Variants in PCYOX1 observed in about 807,000 individuals in gnomAD.
PCYOX1 encodes the protein prenylcysteine oxidase 1.
In PCYOX1, 46 loss-of-function variants were observed where a neutral mutation model predicts 46.4. That is an observed-to-expected ratio of 0.99 (90% confidence interval 0.78 to 1.27). The LOEUF is 1.27. PCYOX1 is among the 50% of genes most tolerant of loss of function. The pLI is 0.00. For missense variants in PCYOX1, 658 were observed against 628.3 expected (o/e 1.05, Z -0.51); for synonymous variants, 220 against 231.8 (o/e 0.95, Z 0.46).
At chr2:70,266,424 C>T (rs1696524220) in intron 3 of PCYOX1, among the ~76,000 whole-genome samples, 1 of 151,700 alleles carries the variant, frequency 6.6e-6, no homozygotes, top group African/African-American at 2.4e-5. Context: ...GAGAGACTGA[C>T]TTTGGTCTTC....
chr2:70,273,258 C>T (rs1021027846), intron 3 of PCYOX1, among the ~76,000 whole-genome samples: 8 of 152,108 alleles, frequency 5.3e-5, no homozygotes, highest in Non-Finnish European at 8.8e-5. Flanking sequence ...GATATCCAGG[C>T]TATTATTTTT....
At chr2:70,271,187 C>T (rs950494560) in intron 3 of PCYOX1, among the ~76,000 whole-genome samples, 3 of 151,626 alleles carry the variant, frequency 2.0e-5, no homozygotes, top group African/African-American at 7.3e-5. Context: ...CATGCCTCAG[C>T]TTCCTGAATA....
At chr2:70,271,475 ATT>A in intron 3 of PCYOX1, among the ~76,000 whole-genome samples, 1 of 152,174 alleles carries the variant, frequency 6.6e-6, no homozygotes, top group East Asian at 1.9e-4. Context: ...ATTTATAAAT[ATT>A]GTCATATTTA....
At chr2:70,257,982 G>T (rs1696366472), upstream of PCYOX1, 1 of 468,384 alleles carries the variant, frequency 2.1e-6, no homozygotes, top group East Asian at 3.9e-5. Context: ...GAGTGGCCCA[G>T]AGTGGGGAGC....
At chr2:70,258,758 C>T (rs1559032773) in intron 1 of PCYOX1, among the ~76,000 whole-genome samples, 1 of 152,234 alleles carries the variant, frequency 6.6e-6, no homozygotes, top group Non-Finnish European at 1.5e-5. Context: ...CGCCTTCCCC[C>T]AGCTCCGCTT....
At chr2:70,271,728 GA>G (rs1476867806) in intron 3 of PCYOX1, among the ~76,000 whole-genome samples, 1 of 152,000 alleles carries the variant, frequency 6.6e-6, no homozygotes, top group African/African-American at 2.4e-5. Context: ...TACTTCAAGT[GA>G]ATCTAAAAAA....
chr2:70,274,966 C>A lies in PCYOX1; in HGVS notation c.502C>A (p.Arg168Ser). ...DVLDKFMRIY[R>S]YQSHDYAFSS... ...TTCTCTTCTTTTCCAAAGGATCTAC[C>A]GCTACCAGTCTCATGACTATGCCTT... The change falls in exon 4 of 6, where the codon CGC becomes AGC. Residue 168 changes from arginine (R) to serine (S), a missense_variant. Transcript: ENST00000433351. The A allele has an allele frequency of 6.3e-7, 1 of 1,592,318 alleles. No individual in the cohort carries two copies. The highest frequency in any genetic ancestry group is 8.6e-7 in the Non-Finnish European group (1 of 1,160,028).
intron 3 of PCYOX1, chr2:70,274,664 A>G: frequency 2.9e-6 from 1 of 345,858 alleles, no homozygotes; most frequent in Non-Finnish European, 5.4e-6. Context: ...CCGGGGCTCA[A>G]GCAGTCCTCC....
At chr2:70,269,482 T>C (rs903035794) in intron 3 of PCYOX1, among the ~76,000 whole-genome samples, 1 of 151,986 alleles carries the variant, frequency 6.6e-6, no homozygotes, top group Non-Finnish European at 1.5e-5. Context: ...ACTACAGGCA[T>C]GCACCACCAA....
chr2:70,275,076 A>G lies in PCYOX1; in HGVS notation c.612A>G (p.Gln204=), dbSNP rs141857998. ...ATCGAACACTTCTTGAAACCTTGCAAAAGGCCGGCTTTTCTGAGAAGTTCC... is the reference window on the plus strand; with the variant it reads ...ATCGAACACTTCTTGAAACCTTGCAGAAGGCCGGCTTTTCTGAGAAGTTCC... ...MLNRTLLETL[Q]KAGFSEKFLN... The change falls in exon 4 of 6, where the codon CAA becomes CAG. Residue 204 remains glutamine, a synonymous_variant. Transcript: ENST00000433351. 3 of 1,614,142 alleles carry G rather than the reference A, an allele frequency of 1.9e-6. No homozygotes were observed. In the South Asian group the frequency reaches 3.3e-5, roughly 18 times the overall value.
At chr2:70,267,306 T>C (rs1371325650) in intron 3 of PCYOX1, among the ~76,000 whole-genome samples, 1 of 138,010 alleles carries the variant, frequency 7.2e-6, no homozygotes, top group African/African-American at 2.8e-5. Flanking sequence ...CTTCCCAGAC[T>C]GGGCGGCCGG....
rs373822674 is a variant in PCYOX1 at position 70,275,638 on chromosome 2, C to T, written c.831C>T (p.Ile277=). 1.6e-5 allele frequency: 26 copies of T among 1,613,860 alleles called. No homozygotes were observed. The highest frequency in any genetic ancestry group is 8.8e-5 in the South Asian group (8 of 91,076). ...SNLISGSVMY[I]EEKTKTKYTG... ...TTATATCTGGCTCAGTAATGTACAT[C>T]GAGGAGAAAACAAAGACCAAGTACA... The change falls in exon 5 of 6, where the codon ATC becomes ATT. Residue 277 remains isoleucine, a synonymous_variant. Coordinates refer to ENST00000433351, the MANE Select transcript of PCYOX1 (RefSeq NM_016297.4).
intron 3 of PCYOX1, among the ~76,000 whole-genome samples, chr2:70,271,546 GA>G (rs200751018): frequency 0.011 from 1,718 of 152,096 alleles, 32 homozygotes; most frequent in African/African-American, 0.039. Flanking sequence ...ATTGGCAACA[GA>G]AAAAAACTCA....
rs2104903169 is a variant in PCYOX1, at chr2:70,279,101, A to C, written c.*1709A>C. On this transcript the variant is annotated 3_prime_UTR_variant, in exon 6 of 6. Coordinates refer to ENST00000433351, the MANE Select transcript of PCYOX1 (RefSeq NM_016297.4). ...CAACAGAGACCATCTTAAAAAAAAA[A>C]AATCCTTCCATTGAATAGAAACTTC... The C allele has an allele frequency of 6.6e-6, 1 of 152,248 alleles. No homozygotes were observed. Among genetic ancestry groups the C allele is most frequent in the African/African-American group, 2.4e-5 (1 of 41,544 alleles). 9.4% of individuals were successfully genotyped at this position (152,248 alleles called of 1,614,324 possible). A position where few individuals can be genotyped will look rare whatever the true frequency, so the allele number is the denominator to read the frequency against.
At chr2:70,265,519 C>T (rs1696510715) in intron 3 of PCYOX1, among the ~76,000 whole-genome samples, 1 of 152,146 alleles carries the variant, frequency 6.6e-6, no homozygotes, top group African/African-American at 2.4e-5. Flanking sequence ...CCAAGTCCAA[C>T]CTCTTATCTC....
chr2:70,268,375 C>T (rs983996511), intron 3 of PCYOX1, among the ~76,000 whole-genome samples: 1 of 152,132 alleles, frequency 6.6e-6, no homozygotes. Flanking sequence ...TCTGTGCTCT[C>T]ATCCCTTACT....
chr2:70,267,015 GCTC>G (rs1220435842), intron 3 of PCYOX1, among the ~76,000 whole-genome samples: 1 of 150,562 alleles, frequency 6.6e-6, no homozygotes, highest in East Asian at 2.0e-4. Flanking sequence ...GGGCAGAGGG[GCTC>G]CTCACTTCCC....
intron 1 of PCYOX1, among the ~76,000 whole-genome samples, chr2:70,259,062 C>T (rs1303012793): frequency 6.6e-6 from 1 of 152,162 alleles, no homozygotes; most frequent in Non-Finnish European, 1.5e-5. Context: ...AGTTGGGCAT[C>T]TGGAAGGGTG....
At chr2:70,266,224 T>C (rs1559035014) in intron 3 of PCYOX1, among the ~76,000 whole-genome samples, 1 of 152,038 alleles carries the variant, frequency 6.6e-6, no homozygotes, top group Non-Finnish European at 1.5e-5. Context: ...CAAGGGTCCT[T>C]AGAGAGGCAG....
Sources: gnomAD v4.1 joint callset for allele counts (sites outside exome capture counted in the v4.1 genomes callset) on GRCh38, gnomAD v4.1.1 for gene constraint, MANE v1.5 for transcripts, NCBI Gene and HGNC (gene_info 2026-07-23, HGNC 2026-07-21) for gene names.